The following CYRIA variants were observed in gnomAD, a reference collection of about 807,000 sequenced individuals.
CYRIA encodes CYFIP related Rac1 interactor A.
A neutral mutation model predicts 43.9 loss-of-function variants in CYRIA; 15 were observed. The observed-to-expected ratio is 0.34, with a 90% confidence interval of 0.23 to 0.53. CYRIA has a LOEUF of 0.53. Among genes scored for constraint, CYRIA ranks in the 20% least tolerant of loss-of-function variants. CYRIA has a pLI of 0.94. For synonymous variants in CYRIA, 117 were observed against 136.0 expected (o/e 0.86, Z 0.97); for missense variants, 236 against 394.2 (o/e 0.60, Z 3.40).
Position 16,551,572 on chromosome 2 carries a change from A to G in CYRIA, c.*1364T>C, listed in dbSNP as rs1274296401. The G allele has an allele frequency of 6.6e-6, 1 of 152,170 alleles. No homozygotes were observed. The highest frequency in any genetic ancestry group is 2.4e-5 in the African/African-American group (1 of 41,452). 9.4% of individuals were successfully genotyped at this position (152,170 alleles called of 1,614,324 possible). A position where few individuals can be genotyped will look rare whatever the true frequency, so the allele number is the denominator to read the frequency against. On this transcript the variant is annotated 3_prime_UTR_variant, in exon 12 of 12. Transcript: ENST00000381323. Reference sequence around the variant, plus strand: ...GGGTTTCATTTTTCCTTAGGAGGTCAGAATCAGAGATTTTCATGATTCCAT... The same window carrying G: ...GGGTTTCATTTTTCCTTAGGAGGTCGGAATCAGAGATTTTCATGATTCCAT...
At chr2:16,614,346 A>G (rs951733022) in intron 2 of CYRIA, among the ~76,000 whole-genome samples, 2 of 152,228 alleles carry the variant, frequency 1.3e-5, no homozygotes, top group East Asian at 3.9e-4. Context: ...GTTTAGATTG[A>G]TAAGCCAAGA....
rs75878686 is a variant in CYRIA at position 16,554,710 on chromosome 2, G to C, written c.908+359C>G. ...GCCAGGTTTGGGAACCACTGGTAAA[G>C]TGGAAAGTGAGAGCCTGGAAGCCTC... On this transcript the variant is annotated intron_variant, in intron 11 of 11. Transcript: ENST00000381323. Among the ~76,000 whole-genome samples the C allele has an allele frequency of 4.7e-3, 719 of 152,250 alleles. 15 individuals carry two copies. The East Asian group carries it at 0.058, about 12-fold the overall frequency.
At chr2:16,619,489 A>C (rs1272088051) in intron 2 of CYRIA, among the ~76,000 whole-genome samples, 1 of 152,192 alleles carries the variant, frequency 6.6e-6, no homozygotes, top group Non-Finnish European at 1.5e-5. Flanking sequence ...CACTTAGAAG[A>C]AGCAGACTCA....
chr2:16,602,407 T>C (rs1668244700), intron 2 of CYRIA, among the ~76,000 whole-genome samples: 2 of 152,126 alleles, frequency 1.3e-5, no homozygotes, highest in African/African-American at 4.8e-5. Flanking sequence ...AGACTGACCA[T>C]GAATACACCA....
intron 3 of CYRIA, among the ~76,000 whole-genome samples, chr2:16,585,175 CCAT>C (rs1243709581): frequency 2.6e-5 from 4 of 152,090 alleles, no homozygotes; most frequent in African/African-American, 9.7e-5. Flanking sequence ...CCCCTCCAGC[CCAT>C]CATCATTTCT....
intron 1 of CYRIA, among the ~76,000 whole-genome samples, chr2:16,643,846 A>G (rs933613444): frequency 6.6e-6 from 1 of 152,238 alleles, no homozygotes; most frequent in African/African-American, 2.4e-5. Flanking sequence ...CAAAGAATAT[A>G]TTTTGAGAAA....
intron 2 of CYRIA, among the ~76,000 whole-genome samples, chr2:16,592,287 A>G (rs1328122737): frequency 6.6e-6 from 1 of 152,122 alleles, no homozygotes; most frequent in African/African-American, 2.4e-5. Context: ...AGGATACTCA[A>G]ACTGGTATAA....
At chr2:16,591,114 C>A (rs1449678594) in intron 2 of CYRIA, among the ~76,000 whole-genome samples, 3 of 151,906 alleles carry the variant, frequency 2.0e-5, no homozygotes, top group African/African-American at 7.3e-5. Context: ...CCATAGTACT[C>A]ATGAAATAGC....
At chr2:16,647,199 TTCCAAAAAGA>T (rs1669846029) in intron 1 of CYRIA, among the ~76,000 whole-genome samples, 1 of 152,234 alleles carries the variant, frequency 6.6e-6, no homozygotes, top group Non-Finnish European at 1.5e-5. Flanking sequence ...ACAATCTTCC[TTCCAAAAAGA>T]TTTTTTACAG....
intron 2 of CYRIA, among the ~76,000 whole-genome samples, chr2:16,601,590 T>C (rs773898129): frequency 6.6e-6 from 1 of 152,088 alleles, no homozygotes; most frequent in African/African-American, 2.4e-5. Flanking sequence ...CATGGTATTT[T>C]CTATGACCGC....
chr2:16,662,611 C>A (rs150760328), intron 1 of CYRIA, among the ~76,000 whole-genome samples: 3 of 152,196 alleles, frequency 2.0e-5, no homozygotes, highest in Admixed American at 1.3e-4. Context: ...GAGACTTCTA[C>A]GAGAGGATGA....
intron 1 of CYRIA, among the ~76,000 whole-genome samples, chr2:16,660,914 T>C (rs376879779): frequency 2.1e-4 from 32 of 152,190 alleles, no homozygotes; most frequent in African/African-American, 7.5e-4. Flanking sequence ...GAAATGGGAT[T>C]CTTAGGCCAG....
At chr2:16,568,511 G>A (rs1667026481) in intron 3 of CYRIA, among the ~76,000 whole-genome samples, 1 of 152,136 alleles carries the variant, frequency 6.6e-6, no homozygotes, top group African/African-American at 2.4e-5. Context: ...AAGTGTTCTG[G>A]TAGAATAGAA....
intron 3 of CYRIA, among the ~76,000 whole-genome samples, chr2:16,586,820 G>A (rs563225653): frequency 6.6e-6 from 1 of 152,160 alleles, no homozygotes; most frequent in African/African-American, 2.4e-5. Context: ...AAAGTTTAAA[G>A]TACATTAGAG....
In CYRIA at chr2:16,549,565, A is replaced by G. The variant is rs928655501; in HGVS notation, c.*3371T>C. Reference sequence around the variant, plus strand: ...AATTACAATGACTTCAGCAAACAACATATGAAAACTGCAAAACAGCCTTGG... The same window carrying G: ...AATTACAATGACTTCAGCAAACAACGTATGAAAACTGCAAAACAGCCTTGG... On this transcript the variant is annotated 3_prime_UTR_variant, in exon 12 of 12. Coordinates refer to ENST00000381323, the MANE Select transcript of CYRIA (RefSeq NM_030797.4). 2.0e-5 allele frequency: 3 copies of G among 152,164 alleles called. No individual in the cohort carries two copies. Among genetic ancestry groups the G allele is most frequent in the African/African-American group, 4.8e-5 (2 of 41,462 alleles). The allele number at this position is 152,164 out of a possible 1,614,324, so 9.4% of individuals were successfully genotyped here.
intron 2 of CYRIA, among the ~76,000 whole-genome samples, chr2:16,617,586 G>A (rs955807059): frequency 6.6e-6 from 1 of 152,264 alleles, no homozygotes; most frequent in East Asian, 1.9e-4. Context: ...ATTAAGGCCT[G>A]CAGCCAGGAG....
chr2:16,610,924 ATATATATATATATCCTGTATATCTT>A (rs1185760540), intron 2 of CYRIA, among the ~76,000 whole-genome samples: 1 of 90,524 alleles, frequency 1.1e-5, no homozygotes, highest in East Asian at 3.0e-4. Flanking sequence ...ATATATATAT[ATATATATATATATCCTGTATATCTT>A]GCATATATTT....
chr2:16,564,559 A>C (rs1252837758), intron 4 of CYRIA, among the ~76,000 whole-genome samples: 1 of 152,186 alleles, frequency 6.6e-6, no homozygotes, highest in Non-Finnish European at 1.5e-5. Flanking sequence ...CTAGACTGTT[A>C]CTTTTTTAGA....
intron 10 of CYRIA, among the ~76,000 whole-genome samples, chr2:16,555,362 T>A (rs1394365510): frequency 9.7e-6 from 1 of 103,418 alleles, no homozygotes; most frequent in African/African-American, 6.6e-5. Context: ...TTCATACTAT[T>A]TGCAATTGTA....
Sources: allele counts gnomAD v4.1 joint callset (sites outside exome capture counted in the v4.1 genomes callset), GRCh38; gene constraint gnomAD v4.1.1; transcripts MANE v1.5; gene names NCBI Gene and HGNC (gene_info 2026-07-23, HGNC 2026-07-21).